Variants in GDAP2 observed in about 807,000 individuals in gnomAD.
GDAP2 encodes ganglioside induced differentiation associated protein 2, also known as ganglioside-induced differentiation-associated protein 2.
In GDAP2, 51 loss-of-function variants were observed where a neutral mutation model predicts 67.0. The ratio of observed to expected loss-of-function variants is 0.76; its 90% CI spans 0.61 to 0.96. The LOEUF (loss-of-function observed/expected upper bound fraction) is 0.96. Among genes scored for constraint, GDAP2 ranks in the 40% least tolerant of loss-of-function variants. GDAP2 has a pLI of 0.00. For synonymous variants in GDAP2, 203 were observed against 207.3 expected (o/e 0.98, Z 0.18); for missense variants, 547 against 588.3 (o/e 0.93, Z 0.73).
rs545470598 is a variant in GDAP2 at position 117,908,934 on chromosome 1, T to C, written c.560-2352A>G. ...AATAGTTTCCCAGAATATAATTATA[T>C]TATTTCCTTTGGAAGATAAAATACA... On this transcript the variant is annotated intron_variant, in intron 5 of 13. Transcript: ENST00000369443. Among the ~76,000 whole-genome samples the C allele has an allele frequency of 5.9e-5, 9 of 152,352 alleles. No homozygotes were observed. The East Asian group carries it at 1.7e-3, about 29-fold the overall frequency.
At position 117,911,976 on chromosome 1, in the gene GDAP2, ATC is replaced by A. The variant is rs766197252; in HGVS notation, c.559+16_559+17del. ...TTTTAAGATTCAATTCATGTACAGCATCTCTGATATTACTTACGAAGTGCTAT... is the reference window on the plus strand; with the variant it reads ...TTTTAAGATTCAATTCATGTACAGCATCTGATATTACTTACGAAGTGCTAT... On this transcript the variant is annotated intron_variant, in intron 5 of 13. Transcript: ENST00000369443. The A allele has an allele frequency of 1.5e-6, 2 of 1,370,008 alleles. No homozygotes were observed. The highest frequency in any genetic ancestry group is 4.6e-5 in the East Asian group (2 of 43,722). The allele number at this position is 1,370,008 out of a possible 1,614,324, so 84.9% of individuals were successfully genotyped here. A position where few individuals can be genotyped will look rare whatever the true frequency, so the allele number is the denominator to read the frequency against.
chr1:117,877,738 A>C, intron 13 of GDAP2: 4 of 1,159,406 alleles, frequency 3.5e-6, no homozygotes, highest in Non-Finnish European at 4.2e-6. Flanking sequence ...ATATGGTAGA[A>C]AACTTACAAT....
intron 8 of GDAP2, among the ~76,000 whole-genome samples, chr1:117,893,370 G>A (rs544657356): frequency 1.9e-4 from 29 of 152,270 alleles, no homozygotes; most frequent in African/African-American, 6.0e-4. Flanking sequence ...ACCTGGATTA[G>A]AAAGCACGTC....
rs572196082 is a variant in GDAP2, at chr1:117,914,971, A to C, written c.317-2288T>G. On this transcript the variant is annotated intron_variant, in intron 3 of 13. Coordinates refer to ENST00000369443, the MANE Select transcript of GDAP2 (RefSeq NM_017686.4). ...GATTTCCCAGGATGATGTTAAAAAA[A>C]AAAGTTCCAGAACAGTAACTGTGCA... 2.0e-5 allele frequency among the ~76,000 whole-genome samples: 3 copies of C among 152,274 alleles called. No individual in the cohort carries two copies. The East Asian group carries it at 5.8e-4, about 29-fold the overall frequency.
intron 13 of GDAP2, chr1:117,877,625 T>G: frequency 1.0e-6 from 1 of 995,154 alleles, no homozygotes; most frequent in Non-Finnish European, 1.2e-6. Flanking sequence ...GGCCACATGA[T>G]TTGCAATTAA....
intron 8 of GDAP2, chr1:117,896,608 T>C: frequency 2.7e-6 from 1 of 370,720 alleles, no homozygotes. Flanking sequence ...AAATCAGACA[T>C]GTATCTGACC....
Position 117,868,750 on chromosome 1 carries a change from A to C in GDAP2, c.*1819T>G, listed in dbSNP as rs948781631. On this transcript the variant is annotated 3_prime_UTR_variant, in exon 14 of 14. Transcript: ENST00000369443. ...AAGGTACAGTGCCCAAGGGGTTAAA[A>C]AAAAAGTACTGTTTGAGAGAAAGCT... 2 of 151,980 alleles carry C rather than the reference A, an allele frequency of 1.3e-5. No homozygotes were observed. Among genetic ancestry groups the C allele is most frequent in the African/African-American group, 4.8e-5 (2 of 41,408 alleles). 9.4% of individuals were successfully genotyped at this position (151,980 alleles called of 1,614,324 possible).
At chr1:117,914,105 T>G (rs1649962931) in intron 3 of GDAP2, among the ~76,000 whole-genome samples, 1 of 152,176 alleles carries the variant, frequency 6.6e-6, no homozygotes, top group Non-Finnish European at 1.5e-5. Flanking sequence ...TAGACACCCA[T>G]GTGTACAAAG....
chr1:117,906,903 G>C lies in GDAP2; in HGVS notation c.560-321C>G, dbSNP rs114572550. ...TTGTATTTATTGCTCTATTTCCAAT[G>C]CCAAGAACAGTGACTGGCCGTAGAA... is the stretch of plus-strand genomic sequence containing the variant. On this transcript the variant is annotated intron_variant, in intron 5 of 13. Transcript: ENST00000369443. Among the ~76,000 whole-genome samples, 1,074 of 152,286 alleles carry C rather than the reference G, an allele frequency of 7.1e-3. 17 individuals carry two copies. The highest frequency in any genetic ancestry group is 0.025 in the African/African-American group (1,033 of 41,540).
chr1:117,921,360 A>G (rs1042075781), intron 1 of GDAP2, among the ~76,000 whole-genome samples: 3 of 152,246 alleles, frequency 2.0e-5, no homozygotes, highest in African/African-American at 7.2e-5. Flanking sequence ...TGGAGAAGAC[A>G]GAAGATGACA....
chr1:117,876,912 C>CT (rs1347866946), intron 13 of GDAP2, among the ~76,000 whole-genome samples: 2 of 152,078 alleles, frequency 1.3e-5, no homozygotes, highest in Non-Finnish European at 2.9e-5. Flanking sequence ...AAAAATGTTG[C>CT]TTAGTGCCTT....
chr1:117,917,445 C>G (rs1194945074), intron 3 of GDAP2, among the ~76,000 whole-genome samples: 1 of 152,170 alleles, frequency 6.6e-6, no homozygotes, highest in East Asian at 1.9e-4. Context: ...TTAGGATGTG[C>G]TTAGCACCTA....
chr1:117,915,919 C>A (rs1040356232), intron 3 of GDAP2, among the ~76,000 whole-genome samples: 2 of 152,124 alleles, frequency 1.3e-5, no homozygotes, highest in African/African-American at 4.8e-5. Flanking sequence ...GATCCTTTTT[C>A]AAGTATTTGA....
intron 13 of GDAP2, among the ~76,000 whole-genome samples, chr1:117,872,928 C>A (rs1359053121): frequency 6.6e-6 from 1 of 152,150 alleles, no homozygotes; most frequent in Non-Finnish European, 1.5e-5. Context: ...TGCATGGAAG[C>A]TATACTTACA....
At chr1:117,902,984 T>C (rs1649534901) in intron 6 of GDAP2, among the ~76,000 whole-genome samples, 1 of 152,210 alleles carries the variant, frequency 6.6e-6, no homozygotes, top group Non-Finnish European at 1.5e-5. Context: ...ACTGTTCTTT[T>C]GTTAAGTATA....
At chr1:117,891,286 CTT>C (rs1649075700) in intron 8 of GDAP2, among the ~76,000 whole-genome samples, 1 of 151,434 alleles carries the variant, frequency 6.6e-6, no homozygotes, top group Non-Finnish European at 1.5e-5. Flanking sequence ...CATGATTGCT[CTT>C]GAGTAGGTAC....
chr1:117,916,362 G>A (rs1272100361), intron 3 of GDAP2, among the ~76,000 whole-genome samples: 2 of 152,206 alleles, frequency 1.3e-5, no homozygotes, highest in African/African-American at 4.8e-5. Context: ...GGTAAGGAAA[G>A]GAAAAGGGGG....
At chr1:117,924,634 G>A (rs915509608) in intron 1 of GDAP2, among the ~76,000 whole-genome samples, 2 of 152,102 alleles carry the variant, frequency 1.3e-5, no homozygotes, top group Non-Finnish European at 2.9e-5. Context: ...TCAACACTGC[G>A]GAACAGGAAA....
chr1:117,886,631 T>C lies in GDAP2; in HGVS notation c.1053A>G (p.Thr351=), dbSNP rs1264219004. The C allele has an allele frequency of 6.3e-7, 1 of 1,586,230 alleles. No homozygotes were observed. The highest frequency in any genetic ancestry group is 2.2e-5 in the East Asian group (1 of 44,714). The change falls in exon 10 of 14, where the codon ACA becomes ACG. Residue 351 remains threonine (T), a synonymous_variant. Transcript: ENST00000369443. ...TGTTTCTTCCAACTACCACCATCAC[T>C]GTTCGACCACAGTTATCAACACCTA... ...YQTGVDNCGR[T]VMVVVGRNIP...
Sources: allele counts gnomAD v4.1 joint callset (sites outside exome capture counted in the v4.1 genomes callset), GRCh38; gene constraint gnomAD v4.1.1; transcripts MANE v1.5; gene names NCBI Gene and HGNC (gene_info 2026-07-23, HGNC 2026-07-21).